The following EYS variants were observed in gnomAD, a reference collection of about 807,000 sequenced individuals.
The protein encoded by EYS is protein eyes shut homolog.
In EYS, 250 loss-of-function variants were observed where a neutral mutation model predicts 282.1. The observed-to-expected ratio is 0.89, with a 90% CI of 0.80 to 0.98. EYS has a LOEUF of 0.98. Ranked by LOEUF, EYS falls within the 50% of genes least tolerant of loss-of-function variation. The pLI, the probability that EYS is intolerant of heterozygous loss-of-function variation, is 0.00. For missense variants in EYS, 4,016 were observed against 3,709.0 expected (o/e 1.08, Z -2.15); for synonymous variants, 1,355 against 1,282.9 (o/e 1.06, Z -1.20).
chr6:63,988,884 T>C (rs1246681654), intron 34 of EYS, among the ~76,000 whole-genome samples: 1 of 151,668 alleles, frequency 6.6e-6, no homozygotes, highest in East Asian at 1.9e-4. Flanking sequence ...TTATGATACG[T>C]ATGAATAAAA....
chr6:65,364,923 G>A (rs569196980), intron 8 of EYS, among the ~76,000 whole-genome samples: 13 of 151,832 alleles, frequency 8.6e-5, no homozygotes, highest in African/African-American at 2.9e-4. Flanking sequence ...CTCAGTGATA[G>A]TGTGTGTCAA....
At chr6:63,800,461 A>G (rs1318270279) in intron 37 of EYS, among the ~76,000 whole-genome samples, 1 of 152,216 alleles carries the variant, frequency 6.6e-6, no homozygotes, top group Non-Finnish European at 1.5e-5. Context: ...TTTAAAAGGT[A>G]TGAGAATTGT....
At chr6:64,468,974 G>A (rs1776022949) in intron 26 of EYS, among the ~76,000 whole-genome samples, 1 of 152,114 alleles carries the variant, frequency 6.6e-6, no homozygotes, top group South Asian at 2.1e-4. Context: ...ACATGTGCAT[G>A]TGTCTTTTTG....
chr6:64,025,668 G>A (rs1370379976), intron 33 of EYS, among the ~76,000 whole-genome samples: 1 of 152,132 alleles, frequency 6.6e-6, no homozygotes, highest in African/African-American at 2.4e-5. Context: ...CTGGAATTTA[G>A]GATCCCTCCT....
In EYS at chr6:64,045,627, A is replaced by G. The variant is rs1770586439; in HGVS notation, c.6725+20711T>C. ...GGCTCAGCTAATTTTCTGTATTTTT[A>G]GTAGAGACGGGGTTTCACCATGTTG... On this transcript the variant is annotated intron_variant, in intron 33 of 42. Transcript: ENST00000503581. Among the ~76,000 whole-genome samples, 3 of 150,668 alleles carry G rather than the reference A, an allele frequency of 2.0e-5. No homozygotes were observed. In the South Asian group the frequency reaches 6.2e-4, roughly 31 times the overall value.
intron 19 of EYS, among the ~76,000 whole-genome samples, chr6:64,842,711 C>T (rs180740103): frequency 7.9e-4 from 120 of 151,848 alleles, no homozygotes; most frequent in African/African-American, 2.7e-3. Context: ...TTTGGACCTG[C>T]CCTAGAGATT....
chr6:65,176,106 T>C (rs1178001631), intron 12 of EYS, among the ~76,000 whole-genome samples: 1 of 151,624 alleles, frequency 6.6e-6, no homozygotes, highest in South Asian at 2.1e-4. Flanking sequence ...GCACTTATGA[T>C]CTATTTTCTT....
intron 36 of EYS, among the ~76,000 whole-genome samples, chr6:63,855,445 A>T (rs891672583): frequency 6.6e-6 from 1 of 152,234 alleles, no homozygotes; most frequent in African/African-American, 2.4e-5. Flanking sequence ...CACTGATTAT[A>T]TTATTAAGAT....
chr6:64,310,510 A>C (rs1227342888), intron 29 of EYS, among the ~76,000 whole-genome samples: 1 of 152,348 alleles, frequency 6.6e-6, no homozygotes. Context: ...GTTCTCACTT[A>C]GAAGTGGAAG....
intron 35 of EYS, among the ~76,000 whole-genome samples, chr6:63,881,279 C>T (rs1562076530): frequency 6.6e-6 from 1 of 152,122 alleles, no homozygotes; most frequent in Non-Finnish European, 1.5e-5. Flanking sequence ...TAAATTGCTT[C>T]ACTCAACAAA....
At chr6:65,575,191 G>A (rs1323495729) in intron 2 of EYS, among the ~76,000 whole-genome samples, 1 of 152,010 alleles carries the variant, frequency 6.6e-6, no homozygotes, top group East Asian at 1.9e-4. Flanking sequence ...TTGCAAGTGT[G>A]TATTGCACAC....
chr6:64,968,328 GA>G (rs1231834171), intron 14 of EYS, among the ~76,000 whole-genome samples: 1 of 151,902 alleles, frequency 6.6e-6, no homozygotes, highest in African/African-American at 2.4e-5. Context: ...CCACTGCCTT[GA>G]AAACTATGGC....
chr6:64,966,855 T>G (rs1452244843), intron 14 of EYS, among the ~76,000 whole-genome samples: 1 of 152,164 alleles, frequency 6.6e-6, no homozygotes, highest in Non-Finnish European at 1.5e-5. Context: ...AAAGTAACTT[T>G]CACAAGTTCC....
intron 12 of EYS, among the ~76,000 whole-genome samples, chr6:65,187,218 A>G (rs532517216): frequency 6.6e-6 from 1 of 151,778 alleles, no homozygotes; most frequent in African/African-American, 2.4e-5. Flanking sequence ...TTCTTAGTAT[A>G]GTTTTTTGGT....
At chr6:64,194,407 T>C (rs1180620469) in intron 31 of EYS, among the ~76,000 whole-genome samples, 1 of 152,210 alleles carries the variant, frequency 6.6e-6, no homozygotes, top group Non-Finnish European at 1.5e-5. Flanking sequence ...AGTTTTCCTG[T>C]AGTTACTATT....
intron 22 of EYS, among the ~76,000 whole-genome samples, chr6:64,796,037 T>C (rs943091046): frequency 6.6e-6 from 1 of 152,312 alleles, no homozygotes. Context: ...AGCACTAACG[T>C]ATGCTGAAAC....
chr6:64,192,073 T>C (rs1230230258), intron 31 of EYS, among the ~76,000 whole-genome samples: 1 of 140,374 alleles, frequency 7.1e-6, no homozygotes, highest in Non-Finnish European at 1.6e-5. Context: ...ATTTCTCTGA[T>C]GGCCAGTGAT....
At chr6:65,596,353 G>T (rs1162738864) in intron 2 of EYS, among the ~76,000 whole-genome samples, 1 of 152,012 alleles carries the variant, frequency 6.6e-6, no homozygotes, top group South Asian at 2.1e-4. Flanking sequence ...TTATATTTTG[G>T]TTATGTGATA....
At chr6:65,666,164 C>T (rs1768193345) in intron 1 of EYS, among the ~76,000 whole-genome samples, 1 of 151,466 alleles carries the variant, frequency 6.6e-6, no homozygotes, top group Non-Finnish European at 1.5e-5. Context: ...GCTAAGATTC[C>T]ATCATACTGA....
Sources: allele counts gnomAD v4.1 joint callset (sites outside exome capture counted in the v4.1 genomes callset), GRCh38; gene constraint gnomAD v4.1.1; transcripts MANE v1.5; gene names NCBI Gene and HGNC (gene_info 2026-07-23, HGNC 2026-07-21).